ANKH: variants seen among roughly 807,000 people sequenced by gnomAD.
ANKH encodes mineralization regulator ANKH.
In ANKH, 15 loss-of-function variants were observed where a neutral mutation model predicts 49.0. The ratio of observed to expected loss-of-function variants is 0.31; its 90% CI spans 0.20 to 0.47. ANKH has a LOEUF of 0.47. ANKH is among the 20% of genes least tolerant of loss of function. ANKH has a pLI of 1.00. For synonymous variants in ANKH, 273 were observed against 260.0 expected (o/e 1.05, Z -0.48); for missense variants, 429 against 652.0 (o/e 0.66, Z 3.72).
intron 4 of ANKH, 109 bp from the exon 5 acceptor site, chr5:14,751,348 T>C (rs948763147): frequency 7.7e-6 from 9 of 1,175,868 alleles, no homozygotes; most frequent in Middle Eastern, 2.7e-4. Flanking sequence ...GCAAAGATCT[T>C]GACTTTTATG....
chr5:14,830,991 T>C lies in ANKH; in HGVS notation c.96+40361A>G, dbSNP rs568159017. On this transcript the variant is annotated intron_variant, in intron 1 of 11. Coordinates refer to ENST00000284268, the MANE Select transcript of ANKH (RefSeq NM_054027.6). ...GAATCCCTTCCTCAGTATGCCTTCA[T>C]AGAAAGTTAAATCATTCACTTTTTT... Among the ~76,000 whole-genome samples the C allele has an allele frequency of 7.0e-4, 107 of 152,342 alleles. 1 individual carries two copies. Among genetic ancestry groups the C allele is most frequent in the Non-Finnish European group, 1.1e-3 (76 of 68,020 alleles).
At chr5:14,798,084 C>T in intron 1 of ANKH, 1 of 1,576,808 alleles carries the variant, frequency 6.3e-7, no homozygotes. Context: ...ACCAAAACCT[C>T]CAAATTCTCC....
intron 8 of ANKH, among the ~76,000 whole-genome samples, chr5:14,723,670 A>T (rs1737738649): frequency 6.6e-6 from 1 of 152,166 alleles, no homozygotes; most frequent in Non-Finnish European, 1.5e-5. Flanking sequence ...GAAGAAGAAG[A>T]TGACGATTCA....
chr5:14,798,154 T>G, intron 1 of ANKH: 1 of 1,554,234 alleles, frequency 6.4e-7, no homozygotes, highest in Non-Finnish European at 8.9e-7. Flanking sequence ...AGCTGCACAC[T>G]GGCTATAACA....
At chr5:14,781,925 A>C (rs1011041640) in intron 1 of ANKH, among the ~76,000 whole-genome samples, 2 of 152,198 alleles carry the variant, frequency 1.3e-5, no homozygotes, top group African/African-American at 4.8e-5. Flanking sequence ...CCAACTCCAG[A>C]AACAACAATC....
intron 1 of ANKH, 145 bp downstream of exon 1, chr5:14,871,207 A>C: frequency 2.7e-6 from 2 of 729,574 alleles, no homozygotes; most frequent in South Asian, 1.5e-5. Flanking sequence ...GGTGCTGGAA[A>C]AGTCACCCTT....
rs1248900330 is a variant in ANKH, at chr5:14,708,453, A to G, written c.*2744T>C. The G allele has an allele frequency of 6.6e-6, 1 of 152,196 alleles. No individual in the cohort carries two copies. The highest frequency in any genetic ancestry group is 2.4e-5 in the African/African-American group (1 of 41,440). The allele number at this position is 152,196 out of a possible 1,614,324, so 9.4% of individuals were successfully genotyped here. ...CTGAATGCCCTACAATGAAAAATAA[A>G]TGTTTTGGGGGAATGTTTCTTTGGT... On this transcript the variant is annotated 3_prime_UTR_variant, in exon 12 of 12. Coordinates refer to ENST00000284268, the MANE Select transcript of ANKH (RefSeq NM_054027.6).
intron 1 of ANKH, among the ~76,000 whole-genome samples, chr5:14,780,909 T>A (rs1369947403): frequency 2.0e-5 from 3 of 152,200 alleles, no homozygotes; most frequent in Admixed American, 2.0e-4. Context: ...GTAGACGAAA[T>A]CTAGTTTTAA....
At chr5:14,858,017 T>C (rs556552977) in intron 1 of ANKH, among the ~76,000 whole-genome samples, 3 of 152,228 alleles carry the variant, frequency 2.0e-5, no homozygotes, top group Non-Finnish European at 1.5e-5. Flanking sequence ...CATAGCATTA[T>C]TTACAATAGG....
intron 2 of ANKH, among the ~76,000 whole-genome samples, chr5:14,759,720 G>A (rs965400348): frequency 6.9e-6 from 1 of 145,448 alleles, no homozygotes; most frequent in Admixed American, 7.0e-5. Context: ...TCGTGCCACT[G>A]TACGTCACCC....
At chr5:14,761,805 G>A (rs1031228309) in intron 2 of ANKH, among the ~76,000 whole-genome samples, 2 of 146,560 alleles carry the variant, frequency 1.4e-5, no homozygotes, top group African/African-American at 2.5e-5. Flanking sequence ...GCTCTGTCTC[G>A]CCCAGGGTGG....
rs527367025 is a variant in ANKH at position 14,857,140 on chromosome 5, G to A, written c.96+14212C>T. On this transcript the variant is annotated intron_variant, in intron 1 of 11. Transcript: ENST00000284268. ...TTGCAGTACATATCGGGTCCAAAAG[G>A]TACCAGGCATTTTGCCTGGTACCTC... Among the ~76,000 whole-genome samples the A allele has an allele frequency of 3.3e-5, 5 of 152,076 alleles. No homozygotes were observed. In the East Asian group the frequency reaches 7.7e-4, roughly 24 times the overall value.
At position 14,808,361 on chromosome 5, in the gene ANKH, A is replaced by T. The variant is rs564342431; in HGVS notation, c.97-39170T>A. On this transcript the variant is annotated intron_variant, in intron 1 of 11. Coordinates refer to ENST00000284268, the MANE Select transcript of ANKH (RefSeq NM_054027.6). ...ACAGAAGATAAAGCTGTACCTTCCA[A>T]AAGAAAACACCCAATGATTTGGGGA... Among the ~76,000 whole-genome samples the T allele has an allele frequency of 2.0e-4, 31 of 152,366 alleles. No individual in the cohort carries two copies. The East Asian group carries it at 5.8e-3, about 28-fold the overall frequency.
chr5:14,862,208 C>T (rs1315643483), intron 1 of ANKH, among the ~76,000 whole-genome samples: 1 of 152,186 alleles, frequency 6.6e-6, no homozygotes, highest in Non-Finnish European at 1.5e-5. Context: ...TGCACTCTAG[C>T]CTGGGCAACA....
intron 8 of ANKH, among the ~76,000 whole-genome samples, chr5:14,727,915 A>G (rs1737871743): frequency 6.6e-6 from 1 of 152,216 alleles, no homozygotes; most frequent in Non-Finnish European, 1.5e-5. Context: ...TTATAACAGC[A>G]CACTCTGTTC....
At chr5:14,757,006 G>A (rs938356130) in intron 3 of ANKH, among the ~76,000 whole-genome samples, 1 of 152,116 alleles carries the variant, frequency 6.6e-6, no homozygotes, top group Non-Finnish European at 1.5e-5. Flanking sequence ...GGAATACCAG[G>A]TCCTTAAGAA....
At chr5:14,712,735 C>CT in intron 11 of ANKH, 139 bp downstream of exon 11, 1 of 861,474 alleles carries the variant, frequency 1.2e-6, no homozygotes, top group South Asian at 1.5e-5. Context: ...TCCAGCCACC[C>CT]TAAGCCACGA....
chr5:14,834,590 G>C (rs1322832867), intron 1 of ANKH, among the ~76,000 whole-genome samples: 1 of 152,128 alleles, frequency 6.6e-6, no homozygotes, highest in African/African-American at 2.4e-5. Flanking sequence ...AGACCAGCCT[G>C]GCCAACATGG....
intron 8 of ANKH, among the ~76,000 whole-genome samples, chr5:14,717,474 T>C (rs1011677939): frequency 6.6e-6 from 1 of 152,142 alleles, no homozygotes; most frequent in African/African-American, 2.4e-5. Context: ...AGTGGAGCTC[T>C]CTCCCCACCT....
Sources: allele counts gnomAD v4.1 joint callset (sites outside exome capture counted in the v4.1 genomes callset), GRCh38; gene constraint gnomAD v4.1.1; transcripts MANE v1.5; gene names NCBI Gene and HGNC (gene_info 2026-07-23, HGNC 2026-07-21).